Variants in SNRPD3 observed in about 807,000 individuals in gnomAD.
SNRPD3 encodes small nuclear ribonucleoprotein Sm D3.
For missense variants in SNRPD3, 73 were observed against 167.5 expected (o/e 0.44, Z 3.11); for synonymous variants, 66 against 58.4 (o/e 1.13, Z -0.59).
chr22:24,563,472 T>C (rs1196381700), intron 2 of SNRPD3, among the ~76,000 whole-genome samples: 1 of 152,048 alleles, frequency 6.6e-6, no homozygotes. Flanking sequence ...CAAGCACTGG[T>C]GGCCAGTGCT....
At chr22:24,568,273 C>T (rs2045214770) in intron 3 of SNRPD3, 97 bp downstream of exon 3, 1 of 891,304 alleles carries the variant, frequency 1.1e-6, no homozygotes, top group South Asian at 1.7e-5. Flanking sequence ...AGGGTTTGAC[C>T]TCTGCTCTCT....
chr22:24,568,644 G>A (rs1421392856), intron 3 of SNRPD3, among the ~76,000 whole-genome samples: 2 of 151,466 alleles, frequency 1.3e-5, no homozygotes, highest in Non-Finnish European at 2.9e-5. Flanking sequence ...TGCAACCTCC[G>A]CCTCCCGGGT....
At chr22:24,561,577 A>C (rs1375062283) in intron 2 of SNRPD3, among the ~76,000 whole-genome samples, 1 of 152,226 alleles carries the variant, frequency 6.6e-6, no homozygotes, top group Non-Finnish European at 1.5e-5. Context: ...CTCTGAGCAC[A>C]GTTTAGTTTG....
At chr22:24,569,425 C>T (rs1490158975) in intron 3 of SNRPD3, among the ~76,000 whole-genome samples, 7 of 152,312 alleles carry the variant, frequency 4.6e-5, no homozygotes, top group African/African-American at 1.7e-4. Flanking sequence ...TCATTGGTAT[C>T]TTTAGCTGCT....
chr22:24,565,501 G>C (rs2045188562), intron 2 of SNRPD3, among the ~76,000 whole-genome samples: 1 of 152,286 alleles, frequency 6.6e-6, no homozygotes, highest in Middle Eastern at 3.4e-3. Flanking sequence ...CTTTGTAGTT[G>C]AGGGAACGGA....
chr22:24,572,385 G>T lies in SNRPD3; in HGVS notation c.*408G>T, dbSNP rs1442601405. ...ATCTTCAGACACAGGCACATAGTGT[G>T]GCACTTTGTTCAGTTAACATTTGTG... On this transcript the variant is annotated 3_prime_UTR_variant, in exon 4 of 4. Transcript: ENST00000215829. 2.0e-6 allele frequency: 1 copy of T among 500,752 alleles called. No individual in the cohort carries two copies. Among genetic ancestry groups the T allele is most frequent in the Admixed American group, 3.6e-5 (1 of 27,712 alleles). 31.0% of individuals were successfully genotyped at this position (500,752 alleles called of 1,614,324 possible). A position where few individuals can be genotyped will look rare whatever the true frequency, so the allele number is the denominator to read the frequency against.
At chr22:24,563,195 C>T (rs1215569074) in intron 2 of SNRPD3, among the ~76,000 whole-genome samples, 2 of 143,586 alleles carry the variant, frequency 1.4e-5, no homozygotes, top group Non-Finnish European at 3.0e-5. Flanking sequence ...CAGTGAGACC[C>T]TGTCTCATAT....
intron 2 of SNRPD3, among the ~76,000 whole-genome samples, chr22:24,561,701 T>C (rs568296529): frequency 6.6e-6 from 1 of 152,302 alleles, no homozygotes; most frequent in Admixed American, 6.5e-5. Flanking sequence ...AATAACATTT[T>C]CTGTTATAAA....
upstream of SNRPD3, chr22:24,555,967 GA>G (rs1447945635): frequency 3.6e-6 from 3 of 839,014 alleles, no homozygotes; most frequent in Non-Finnish European, 5.5e-6. Flanking sequence ...AGCATTTTGG[GA>G]AAGAGTGGAA....
intron 3 of SNRPD3, among the ~76,000 whole-genome samples, chr22:24,571,290 G>A (rs915635177): frequency 6.6e-6 from 1 of 152,138 alleles, no homozygotes; most frequent in Non-Finnish European, 1.5e-5. Flanking sequence ...TGTCTTTTCT[G>A]TAGCTCTCAG....
At position 24,573,433 on chromosome 22, in the gene SNRPD3, A is replaced by AG. The variant is rs1046591109; in HGVS notation, c.*1460dup. The stretch of plus-strand genomic sequence containing the variant: ...CAGATTATTCAAGTAATGAAAGAGG[A>AG]GGGGAAAAAAATCCAGCACATTAGT... On this transcript the variant is annotated 3_prime_UTR_variant, in exon 4 of 4. Transcript: ENST00000215829. Among the ~76,000 whole-genome samples the AG allele has an allele frequency of 9.9e-5, 15 of 152,284 alleles. No homozygotes were observed. Among genetic ancestry groups the AG allele is most frequent in the African/African-American group, 3.4e-4 (14 of 41,570 alleles).
intron 3 of SNRPD3, among the ~76,000 whole-genome samples, chr22:24,570,663 A>G (rs1452591662): frequency 6.6e-6 from 1 of 152,120 alleles, no homozygotes; most frequent in Non-Finnish European, 1.5e-5. Flanking sequence ...AGCCTAGGTG[A>G]CAGAGCTAGA....
intron 1 of SNRPD3, 146 bp from the exon 2 acceptor site, chr22:24,557,511 C>T (rs1008643302): frequency 1.7e-5 from 7 of 420,100 alleles, no homozygotes; most frequent in African/African-American, 8.8e-5. Context: ...AGGAGCTGAG[C>T]TTTTTTTTTT....
rs780578404 is a variant in SNRPD3 at position 24,574,044 on chromosome 22, C to A, written c.*2067C>A. ...TCTTAAGTATTCTATCTTAAGTAGA[C>A]CTAAAGCCGTATTTTGACCCTGTAC... On this transcript the variant is annotated 3_prime_UTR_variant, in exon 4 of 4. Coordinates refer to ENST00000215829, the MANE Select transcript of SNRPD3 (RefSeq NM_004175.5). Among the ~76,000 whole-genome samples the A allele has an allele frequency of 1.3e-5, 2 of 152,154 alleles. No individual in the cohort carries two copies. Among genetic ancestry groups the A allele is most frequent in the Non-Finnish European group, 2.9e-5 (2 of 68,034 alleles).
chr22:24,560,646 TCTCAAACTCCTGAGTTTGCCTCAGC>T (rs1462416339), intron 2 of SNRPD3, among the ~76,000 whole-genome samples: 1 of 150,660 alleles, frequency 6.6e-6, no homozygotes, highest in Non-Finnish European at 1.5e-5. Context: ...CCCAGGCTGG[TCTCAAACTCCTGAGTTTGCCTCAGC>T]CTCCCAAGTG....
chr22:24,558,155 A>T (rs911930321), intron 2 of SNRPD3: 4 of 166,302 alleles, frequency 2.4e-5, no homozygotes, highest in Non-Finnish European at 5.1e-5. Flanking sequence ...GATTAGCAGA[A>T]TCTTCTCACC....
intron 2 of SNRPD3, among the ~76,000 whole-genome samples, chr22:24,559,630 C>T (rs1328606667): frequency 6.6e-6 from 1 of 152,064 alleles, no homozygotes; most frequent in Non-Finnish European, 1.5e-5. Context: ...TAGCCTGCCC[C>T]CTAGGGTGAC....
At chr22:24,566,396 C>T (rs569875699) in intron 2 of SNRPD3, among the ~76,000 whole-genome samples, 18 of 152,252 alleles carry the variant, frequency 1.2e-4, no homozygotes, top group African/African-American at 4.1e-4. Flanking sequence ...CTCAGCTTCC[C>T]GAGTAGCTGG....
intron 2 of SNRPD3, among the ~76,000 whole-genome samples, chr22:24,562,360 T>C (rs187357147): frequency 2.6e-5 from 4 of 152,124 alleles, no homozygotes; most frequent in African/African-American, 9.6e-5. Context: ...GCTAACACGG[T>C]GAAACCCTGT....
Sources: allele counts gnomAD v4.1 joint callset (sites outside exome capture counted in the v4.1 genomes callset), GRCh38; gene constraint gnomAD v4.1.1; transcripts MANE v1.5; gene names NCBI Gene and HGNC (gene_info 2026-07-23, HGNC 2026-07-21).